RUVBL2: variants seen among roughly 807,000 people sequenced by gnomAD.
RUVBL2 encodes RuvB like AAA ATPase 2.
A neutral mutation model predicts 57.9 loss-of-function variants in RUVBL2; 9 were observed. The observed-to-expected ratio is 0.16, with a 90% CI of 0.09 to 0.27. The LOEUF (loss-of-function observed/expected upper bound fraction) is 0.27, where lower values mean the gene tolerates loss of function less well. Ranked by LOEUF, RUVBL2 falls within the 10% of genes least tolerant of loss-of-function variation. The probability of loss-of-function intolerance (pLI) is 1.00; values close to 1 mark genes in which losing one functional copy is unlikely to be tolerated. For synonymous variants in RUVBL2, 278 were observed against 264.6 expected (o/e 1.05, Z -0.49); for missense variants, 456 against 669.6 (o/e 0.68, Z 3.52).
chr19:49,008,496 G>A (rs2039330932), intron 6 of RUVBL2, among the ~76,000 whole-genome samples: 1 of 150,106 alleles, frequency 6.7e-6, no homozygotes, highest in Admixed American at 6.6e-5. Flanking sequence ...CCAAAGTGCT[G>A]GGATTACAGG....
intron 7 of RUVBL2, 33 bp from the exon 8 acceptor site, chr19:49,009,940 C>CCTTTCCT: frequency 6.2e-7 from 1 of 1,610,900 alleles, no homozygotes; most frequent in Middle Eastern, 1.7e-4. Context: ...TGGGCCCATT[C>CCTTTCCT]CTTTCCTTAC....
chr19:48,995,359 C>G (rs1024596039), intron 1 of RUVBL2, among the ~76,000 whole-genome samples: 26 of 150,206 alleles, frequency 1.7e-4, no homozygotes, highest in African/African-American at 6.4e-4. Context: ...GCCTAGTCTT[C>G]TGCTTGTAGT....
intron 14 of RUVBL2, 51 bp downstream of exon 14, chr19:49,015,737 G>A (rs1436376681): frequency 6.2e-7 from 1 of 1,611,408 alleles, no homozygotes; most frequent in Admixed American, 1.7e-5. Context: ...CTCAGAGGGA[G>A]GAAGAGGGAG....
chr19:49,009,823 C>T lies in RUVBL2; in HGVS notation c.510C>T (p.Thr170=), dbSNP rs997496720. 6.2e-7 allele frequency: 1 copy of T among 1,613,968 alleles called. No homozygotes were observed. Among genetic ancestry groups the T allele is most frequent in the Non-Finnish European group, 8.5e-7 (1 of 1,180,024 alleles). ...KLTLKTTEME[T]IYDLGTKMIE... is the part of the protein sequence containing the mutation. ...CCCTCAAGACCACAGAGATGGAGAC[C>T]ATCTACGACCTGGGCACCAAGATGA... is the stretch of plus-strand genomic sequence containing the variant. The change falls in exon 7 of 15, where the codon ACC becomes ACT. Residue 170 remains threonine (T), a synonymous_variant. Coordinates refer to ENST00000595090, the MANE Select transcript of RUVBL2 (RefSeq NM_006666.3).
chr19:48,994,104 T>G (rs968452542), intron 1 of RUVBL2, 181 bp downstream of exon 1: 2 of 133,268 alleles, frequency 1.5e-5, no homozygotes, highest in African/African-American at 4.3e-5. Context: ...ACATGGGGGC[T>G]GGACTTCTGG....
rs1462756086 is a variant in RUVBL2, at chr19:49,007,360, A to C, written c.454A>C (p.Thr152Pro). 6.2e-7 allele frequency: 1 copy of C among 1,613,974 alleles called. No homozygotes were observed. The highest frequency in any genetic ancestry group is 8.5e-7 in the Non-Finnish European group (1 of 1,179,946). The change falls in exon 6 of 15, where the codon ACA (threonine) becomes CCA (proline). Residue 152 changes from threonine to proline, a missense_variant. Thr to Pro is a conservative substitution (Grantham distance 38, BLOSUM62 -1). This residue lies in a region of RUVBL2 where 233 missense variants were observed against 306.0 expected (regional missense o/e 0.76). Transcript: ENST00000595090. ...VVEIQIDRPA[T>P]GTGSKVGKLT... ...GGAGATCCAGATTGATCGACCAGCA[A>C]CAGGGACGGTGAGTCTGTGTGAGTC...
chr19:49,009,678 G>C (rs1415481560), intron 6 of RUVBL2, 98 bp from the exon 7 acceptor site: 2 of 1,020,974 alleles, frequency 2.0e-6, no homozygotes, highest in African/African-American at 3.2e-5. Flanking sequence ...TGTGGAAGCA[G>C]AGGCCAGAGC....
chr19:49,004,450 G>A, intron 4 of RUVBL2, 32 bp downstream of exon 4: 2 of 1,587,600 alleles, frequency 1.3e-6, no homozygotes, highest in South Asian at 2.2e-5. Flanking sequence ...GAACTCTCCT[G>A]TTTCCTGCTA....
At chr19:48,995,856 A>G (rs557103378) in intron 1 of RUVBL2, among the ~76,000 whole-genome samples, 22 of 152,044 alleles carry the variant, frequency 1.4e-4, no homozygotes, top group African/African-American at 5.3e-4. Context: ...GCGTGGTGGC[A>G]CATGCCTGTA....
intron 11 of RUVBL2, among the ~76,000 whole-genome samples, chr19:49,012,883 A>ACACACACACACC (rs1421444990): frequency 1.4e-5 from 2 of 147,270 alleles, no homozygotes; most frequent in African/African-American, 2.6e-5. Flanking sequence ...ACACACACAC[A>ACACACACACACC]CCACCCCTGG....
intron 6 of RUVBL2, among the ~76,000 whole-genome samples, chr19:49,007,810 T>G (rs924526579): frequency 6.6e-6 from 1 of 152,076 alleles, no homozygotes; most frequent in African/African-American, 2.4e-5. Flanking sequence ...GTTCAAGTGA[T>G]TCTTCTGCCT....
intron 1 of RUVBL2, among the ~76,000 whole-genome samples, chr19:48,995,666 T>C (rs530779816): frequency 1.3e-5 from 2 of 151,452 alleles, no homozygotes; most frequent in African/African-American, 4.8e-5. Flanking sequence ...CCTGGCAACA[T>C]AGCGAAACCC....
At chr19:49,007,730 A>T (rs531888079) in intron 6 of RUVBL2, among the ~76,000 whole-genome samples, 89 of 152,008 alleles carry the variant, frequency 5.9e-4, no homozygotes, top group Middle Eastern at 6.8e-3. Context: ...TTCGAGACAG[A>T]GTCTCCCTCT....
intron 1 of RUVBL2, among the ~76,000 whole-genome samples, chr19:48,996,463 C>G (rs2122570131): frequency 6.7e-6 from 1 of 149,686 alleles, no homozygotes; most frequent in East Asian, 2.0e-4. Context: ...GTAGCTGGGA[C>G]TACAGGTGCG....
At chr19:49,015,185 G>A in intron 13 of RUVBL2, 35 bp downstream of exon 13, 1 of 1,594,040 alleles carries the variant, frequency 6.3e-7, no homozygotes, top group Non-Finnish European at 8.5e-7. Context: ...GGGCCAGATG[G>A]CGGCAGTGAG....
chr19:49,009,018 G>T (rs1204747603), intron 6 of RUVBL2, among the ~76,000 whole-genome samples: 1 of 151,210 alleles, frequency 6.6e-6, no homozygotes, highest in African/African-American at 2.4e-5. Flanking sequence ...ACAATTAGCT[G>T]GGTATGGTGG....
chr19:49,000,594 G>A (rs1236949121), intron 2 of RUVBL2, among the ~76,000 whole-genome samples: 1 of 151,812 alleles, frequency 6.6e-6, no homozygotes, highest in African/African-American at 2.4e-5. Flanking sequence ...ACTGGGTGCT[G>A]TAGCTCACGC....
rs764014673 is a variant in RUVBL2, at chr19:49,014,574, G to A, written c.1092G>A (p.Glu364=). The A allele has an allele frequency of 6.2e-7, 1 of 1,614,144 alleles. No homozygotes were observed. Among genetic ancestry groups the A allele is most frequent in the Non-Finnish European group, 8.5e-7 (1 of 1,180,012 alleles). Reference sequence around the variant, plus strand: ...TCGTCTCCACCACCCCCTACAGCGAGAAAGACACGAAGCAGATCCTCCGCA... The same window carrying A: ...TCGTCTCCACCACCCCCTACAGCGAAAAAGACACGAAGCAGATCCTCCGCA... ...LLIVSTTPYS[E]KDTKQILRIR... The change falls in exon 12 of 15, where the codon GAG becomes GAA. Residue 364 remains glutamate (E), a synonymous_variant. Coordinates refer to ENST00000595090, the MANE Select transcript of RUVBL2 (RefSeq NM_006666.3).
At chr19:48,994,597 A>G (rs1425925290) in intron 1 of RUVBL2, 1 of 152,370 alleles carries the variant, frequency 6.6e-6, no homozygotes, top group African/African-American at 2.4e-5. Context: ...AGGAGAGGCC[A>G]GGAAACTTGG....
Sources: allele counts gnomAD v4.1 joint callset (sites outside exome capture counted in the v4.1 genomes callset), GRCh38; gene constraint gnomAD v4.1.1; regional missense constraint gnomAD v4.1.1; transcripts MANE v1.5; gene names NCBI Gene and HGNC (gene_info 2026-07-23, HGNC 2026-07-21).